Variants in PSMD4 observed in about 807,000 individuals in gnomAD.
The protein encoded by PSMD4 is proteasome 26S subunit ubiquitin receptor, non-ATPase 4, also known as 26S proteasome non-ATPase regulatory subunit 4.
PSMD4 carries 5 observed loss-of-function variants against 39.7 expected under a neutral mutation model. The observed-to-expected ratio is 0.13, with a 90% CI of 0.07 to 0.26. PSMD4 has a LOEUF of 0.26. Ranked by LOEUF, PSMD4 falls within the 10% of genes least tolerant of loss-of-function variation. The pLI is 1.00. For missense variants in PSMD4, 272 were observed against 486.1 expected (o/e 0.56, Z 4.14); for synonymous variants, 143 against 174.6 (o/e 0.82, Z 1.43).
chr1:151,258,453 T>G (rs55877187), intron 1 of PSMD4, among the ~76,000 whole-genome samples: 32,262 of 79,460 alleles, frequency 0.41, 5,046 homozygotes, highest in Non-Finnish European at 0.46. Flanking sequence ...TTTCGAGTGT[T>G]TTTTTTTTTT....
At chr1:151,260,575 CTCT>C (rs1386850133) in intron 1 of PSMD4, among the ~76,000 whole-genome samples, 2 of 152,032 alleles carry the variant, frequency 1.3e-5, no homozygotes, top group African/African-American at 4.8e-5. Context: ...TTTTATAGAC[CTCT>C]TTTTTTTGAG....
At chr1:151,267,113 AC>A in intron 9 of PSMD4, 59 bp from the exon 10 acceptor site, 1 of 1,599,562 alleles carries the variant, frequency 6.3e-7, no homozygotes, top group East Asian at 2.2e-5. Flanking sequence ...CCTGTCCTTA[AC>A]ACCTGCTTAC....
intron 1 of PSMD4, among the ~76,000 whole-genome samples, chr1:151,257,715 C>CTGTTT (rs1693208628): frequency 1.1e-5 from 1 of 88,718 alleles, no homozygotes; most frequent in African/African-American, 4.7e-5. Flanking sequence ...ACCTGGCTTT[C>CTGTTT]TTTTTTTTTT....
Position 151,263,973 on chromosome 1 carries a change from A to G in PSMD4, c.227A>G (p.His76Arg), listed in dbSNP as rs771745991. The change falls in exon 3 of 10, where the codon CAT becomes CGT. Residue 76 changes from histidine to arginine, a missense_variant. By Grantham distance (29) the His-to-Arg change is conservative. Transcript: ENST00000368884. ...PDTGRILSKL[H>R]TVQPKGKITF... Reference sequence around the variant, plus strand: ...ACTGGCCGTATCCTGTCCAAGCTACATACTGTCCAACCCAAGGGCAAGATC... The same window carrying G: ...ACTGGCCGTATCCTGTCCAAGCTACGTACTGTCCAACCCAAGGGCAAGATC... 2 of 1,605,350 alleles carry G rather than the reference A, an allele frequency of 1.2e-6. No individual in the cohort carries two copies. The highest frequency in any genetic ancestry group is 2.2e-5 in the South Asian group (2 of 89,260).
chr1:151,262,459 C>A, intron 2 of PSMD4, 158 bp downstream of exon 2: 1 of 860,546 alleles, frequency 1.2e-6, no homozygotes, highest in South Asian at 1.6e-5. Context: ...TTTGTATTAA[C>A]CTGTATTTAA....
In PSMD4 at chr1:151,266,601, C is replaced by G. The variant is rs760748559; in HGVS notation, c.963+14C>G. On this transcript the variant is annotated intron_variant, in intron 9 of 9. Coordinates refer to ENST00000368884, the MANE Select transcript of PSMD4 (RefSeq NM_002810.4). ...GAGCCAGCCAAGGTGAGACCCAACC[C>G]TGCCCCCATCAGGTTTAAAGTCCTT... 6.2e-7 allele frequency: 1 copy of G among 1,613,852 alleles called. No individual in the cohort carries two copies. The highest frequency in any genetic ancestry group is 8.5e-7 in the Non-Finnish European group (1 of 1,179,814).
chr1:151,265,944 T>C (rs1571072587), intron 6 of PSMD4, 60 bp from the exon 7 acceptor site: 2 of 1,510,268 alleles, frequency 1.3e-6, no homozygotes, highest in African/African-American at 2.8e-5. Flanking sequence ...CAACTGACTT[T>C]CCCAGCTCCC....
chr1:151,263,270 C>T (rs1405928654), intron 2 of PSMD4, among the ~76,000 whole-genome samples: 1 of 151,710 alleles, frequency 6.6e-6, no homozygotes, highest in Non-Finnish European at 1.5e-5. Context: ...TCGAGACCAG[C>T]CTGACCAACA....
At chr1:151,255,410 G>A (rs748441450) in intron 1 of PSMD4, among the ~76,000 whole-genome samples, 53 of 152,316 alleles carry the variant, frequency 3.5e-4, no homozygotes, top group Non-Finnish European at 3.5e-4. Context: ...TAGTTAAGTG[G>A]TGGAGTCAAG....
intron 2 of PSMD4, among the ~76,000 whole-genome samples, chr1:151,263,266 C>G (rs910376583): frequency 6.6e-6 from 1 of 151,566 alleles, no homozygotes; most frequent in African/African-American, 2.4e-5. Flanking sequence ...GATTTCGAGA[C>G]CAGCCTGACC....
intron 9 of PSMD4, chr1:151,266,809 G>T (rs1395078586): frequency 1.3e-6 from 1 of 752,682 alleles, no homozygotes; most frequent in Non-Finnish European, 2.3e-6. Flanking sequence ...TTGCTGGTGG[G>T]AGCAGCCTGG....
Position 151,266,117 on chromosome 1 carries a change from AAG to A in PSMD4, c.763+8_763+9del. On this transcript the variant is annotated splice_donor_region_variant and intron_variant, in intron 7 of 9. Coordinates refer to ENST00000368884, the MANE Select transcript of PSMD4 (RefSeq NM_002810.4). ...TTGCTACGACTGGGACTGAAGGTGA[AAG>A]AGGTGGAATCCGAAGTCCTGGGACT... The A allele has an allele frequency of 6.2e-7, 1 of 1,602,964 alleles. No homozygotes were observed. Among genetic ancestry groups the A allele is most frequent in the Non-Finnish European group, 8.5e-7 (1 of 1,174,634 alleles).
At chr1:151,256,364 AAAATAAATAAAT>A (rs1161718731) in intron 1 of PSMD4, among the ~76,000 whole-genome samples, 2 of 45,638 alleles carry the variant, frequency 4.4e-5, no homozygotes, top group African/African-American at 2.4e-4. Flanking sequence ...AAATAATAAT[AAAATAAATAAAT>A]AAATAAATAA....
intron 1 of PSMD4, 118 bp downstream of exon 1, chr1:151,254,926 C>G (rs901731172): frequency 6.9e-6 from 9 of 1,302,716 alleles, no homozygotes; most frequent in African/African-American, 1.6e-5. Flanking sequence ...GGCCCTGGCC[C>G]CGGAGGTAAG....
intron 3 of PSMD4, 100 bp from the exon 4 acceptor site, chr1:151,264,732 C>T: frequency 1.1e-6 from 1 of 899,818 alleles, no homozygotes; most frequent in Non-Finnish European, 1.8e-6. Flanking sequence ...TGGTGTACTT[C>T]AGGTACAAAG....
At position 151,265,529 on chromosome 1, in the gene PSMD4, G is replaced by A. The variant is rs1397940506; in HGVS notation, c.574G>A (p.Glu192Lys). ...ALISSPILAGEGGAMLGLGAS... is the reference protein window; with the variant it reads ...ALISSPILAGKGGAMLGLGAS... Reference sequence around the variant, plus strand: ...CATCAGTTCTCCGATTTTGGCTGGTGAAGGTGGTGCCATGCTGGGTCTTGG... The same window carrying A: ...CATCAGTTCTCCGATTTTGGCTGGTAAAGGTGGTGCCATGCTGGGTCTTGG... The change falls in exon 6 of 10, where the codon GAA becomes AAA. Residue 192 changes from glutamate (E) to lysine (K), a missense_variant. Coordinates refer to ENST00000368884, the MANE Select transcript of PSMD4 (RefSeq NM_002810.4). The A allele has an allele frequency of 1.2e-6, 2 of 1,614,114 alleles. No homozygotes were observed. The highest frequency in any genetic ancestry group is 1.3e-5 in the African/African-American group (1 of 74,936).
At chr1:151,267,055 A>G (rs1693466673) in intron 9 of PSMD4, 118 bp from the exon 10 acceptor site, 1 of 1,242,410 alleles carries the variant, frequency 8.0e-7, no homozygotes, top group Admixed American at 1.7e-5. Flanking sequence ...AGAGGTGCCC[A>G]GATCCCCACA....
intron 1 of PSMD4, among the ~76,000 whole-genome samples, chr1:151,256,907 G>A (rs759471041): frequency 4.1e-4 from 63 of 151,878 alleles, no homozygotes; most frequent in Non-Finnish European, 7.8e-4. Flanking sequence ...GCGCCACCAC[G>A]CCCAGCTAAT....
Position 151,256,960 on chromosome 1 carries a change from G to A in PSMD4, c.26+2152G>A, listed in dbSNP as rs998452861. On this transcript the variant is annotated intron_variant, in intron 1 of 9. Transcript: ENST00000368884. ...GACCAGGTTTCTCCATGTTGGTCAGGCTGGTCTCGAACTCCCACCCTCAGG... is the reference window on the plus strand; with the variant it reads ...GACCAGGTTTCTCCATGTTGGTCAGACTGGTCTCGAACTCCCACCCTCAGG... 8.8e-4 allele frequency among the ~76,000 whole-genome samples: 133 copies of A among 151,726 alleles called. 1 individual carries two copies. Among genetic ancestry groups the A allele is most frequent in the African/African-American group, 3.0e-3 (126 of 41,328 alleles).
Sources: gnomAD v4.1 joint callset for allele counts (sites outside exome capture counted in the v4.1 genomes callset) on GRCh38, gnomAD v4.1.1 for gene constraint, MANE v1.5 for transcripts, NCBI Gene and HGNC (gene_info 2026-07-23, HGNC 2026-07-21) for gene names.